MEGF9: variants seen among roughly 807,000 people sequenced by gnomAD.
The protein encoded by MEGF9 is multiple epidermal growth factor-like domains protein 9.
In MEGF9, 6 loss-of-function variants were observed where a neutral mutation model predicts 46.8. The ratio of observed to expected loss-of-function variants is 0.13; its 90% CI spans 0.07 to 0.25. The LOEUF (loss-of-function observed/expected upper bound fraction) is 0.25, where lower values mean the gene tolerates loss of function less well. MEGF9 is among the 10% of genes least tolerant of loss of function. MEGF9 has a pLI of 1.00. For synonymous variants in MEGF9, 302 were observed against 330.7 expected (o/e 0.91, Z 0.94); for missense variants, 683 against 792.4 (o/e 0.86, Z 1.66).
intron 2 of MEGF9, among the ~76,000 whole-genome samples, chr9:120,638,740 A>C (rs1242968570): frequency 6.6e-6 from 1 of 152,206 alleles, no homozygotes; most frequent in Non-Finnish European, 1.5e-5. Flanking sequence ...CATTCTTCTG[A>C]TTAGTAATGA....
At chr9:120,633,644 T>G (rs1018220928) in intron 2 of MEGF9, among the ~76,000 whole-genome samples, 1 of 152,122 alleles carries the variant, frequency 6.6e-6, no homozygotes, top group Non-Finnish European at 1.5e-5. Context: ...TTTTGAGTTT[T>G]GTTTTTTCTG....
chr9:120,626,406 T>A (rs2043525865), intron 2 of MEGF9, among the ~76,000 whole-genome samples: 1 of 152,234 alleles, frequency 6.6e-6, no homozygotes, highest in African/African-American at 2.4e-5. Context: ...AGAACTTACA[T>A]ACTCATGGGT....
chr9:120,648,011 T>C (rs933682876), intron 2 of MEGF9, among the ~76,000 whole-genome samples: 5 of 152,154 alleles, frequency 3.3e-5, no homozygotes, highest in African/African-American at 4.8e-5. Flanking sequence ...AATTCTCTCA[T>C]TTCCAGCACT....
intron 5 of MEGF9, among the ~76,000 whole-genome samples, chr9:120,606,619 G>C (rs1253041564): frequency 6.6e-6 from 1 of 152,196 alleles, no homozygotes; most frequent in East Asian, 1.9e-4. Flanking sequence ...GAATCAAATA[G>C]AAGTGTGTGG....
chr9:120,656,461 G>A (rs1448920647), intron 2 of MEGF9, among the ~76,000 whole-genome samples: 1 of 151,000 alleles, frequency 6.6e-6, no homozygotes. Context: ...GCAGGAGAAT[G>A]GCGTGAACCC....
chr9:120,617,129 G>C (rs1186828143), intron 3 of MEGF9, among the ~76,000 whole-genome samples: 2 of 152,002 alleles, frequency 1.3e-5, no homozygotes, highest in African/African-American at 2.4e-5. Flanking sequence ...ATGGCCAAAG[G>C]GTGGATCAAA....
chr9:120,674,004 A>G (rs2043762062), intron 1 of MEGF9, among the ~76,000 whole-genome samples: 2 of 151,466 alleles, frequency 1.3e-5, no homozygotes, highest in South Asian at 2.1e-4. Flanking sequence ...CTCAACATGG[A>G]TCATAGCCCT....
intron 2 of MEGF9, among the ~76,000 whole-genome samples, chr9:120,645,073 A>G (rs933239165): frequency 1.4e-4 from 22 of 152,180 alleles, no homozygotes; most frequent in African/African-American, 5.1e-4. Flanking sequence ...CTTTAGTTAC[A>G]TAAGTATAGC....
chr9:120,654,113 AAG>A (rs2043665810), intron 2 of MEGF9, among the ~76,000 whole-genome samples: 2 of 152,342 alleles, frequency 1.3e-5, no homozygotes, highest in South Asian at 4.1e-4. Context: ...GTCCAGAAGT[AAG>A]AGTGTGAGAC....
intron 1 of MEGF9, among the ~76,000 whole-genome samples, chr9:120,703,047 CCTTT>C (rs1269278438): frequency 6.6e-6 from 1 of 152,140 alleles, no homozygotes; most frequent in Non-Finnish European, 1.5e-5. Flanking sequence ...TGTTGTTCTT[CCTTT>C]AAGAAAAATA....
In MEGF9 at chr9:120,713,654, T is replaced by A. The variant is rs558740845; in HGVS notation, c.601+104A>T. 1,845 of 1,231,186 alleles carry A rather than the reference T, an allele frequency of 1.5e-3. 2 individuals carry two copies. Among genetic ancestry groups the A allele is most frequent in the Non-Finnish European group, 1.8e-3 (1,753 of 987,548 alleles). 76.3% of individuals were successfully genotyped at this position (1,231,186 alleles called of 1,614,324 possible). ...CCCCCTCGGGAGCCGGAACCTGGGGTGTCTTTGGGGTAACAAACGATAAAT... is the reference window on the plus strand; with the variant it reads ...CCCCCTCGGGAGCCGGAACCTGGGGAGTCTTTGGGGTAACAAACGATAAAT... On this transcript the variant is annotated intron_variant, in intron 1 of 5. Coordinates refer to ENST00000373930, the MANE Select transcript of MEGF9 (RefSeq NM_001080497.3).
At chr9:120,632,848 T>C (rs2043556768) in intron 2 of MEGF9, among the ~76,000 whole-genome samples, 1 of 152,264 alleles carries the variant, frequency 6.6e-6, no homozygotes, top group Admixed American at 6.5e-5. Context: ...ACTGAGATGA[T>C]CATGTGGTTA....
In MEGF9 at chr9:120,713,749, C is replaced by G; in HGVS notation, c.601+9G>C. 1 of 1,286,610 alleles carries G rather than the reference C, an allele frequency of 7.8e-7. No individual in the cohort carries two copies. The highest frequency in any genetic ancestry group is 9.8e-7 in the Non-Finnish European group (1 of 1,017,442). 79.7% of individuals were successfully genotyped at this position (1,286,610 alleles called of 1,614,324 possible). ...ACGGGTCCTGCCCGAGAGGGAGCGC[C>G]GGACTCACCTGGAGGAGGCGAAGAG... is the stretch of plus-strand genomic sequence containing the variant. On this transcript the variant is annotated intron_variant, in intron 1 of 5. Transcript: ENST00000373930.
Position 120,713,759 on chromosome 9 carries a change from T to A in MEGF9, c.600A>T (p.Pro200=). The A allele has an allele frequency of 7.8e-7, 1 of 1,286,588 alleles. No homozygotes were observed. Among genetic ancestry groups the A allele is most frequent in the Non-Finnish European group, 9.8e-7 (1 of 1,018,358 alleles). 79.7% of individuals were successfully genotyped at this position (1,286,588 alleles called of 1,614,324 possible). A position where few individuals can be genotyped will look rare whatever the true frequency, so the allele number is the denominator to read the frequency against. The change falls in exon 1 of 6, where the codon CCA becomes CCT. Residue 200 remains proline (P), a splice_region_variant and synonymous_variant. Transcript: ENST00000373930. ...PATEAPSSPP[P]EYVCNCSVVG... ...CCCGAGAGGGAGCGCCGGACTCACC[T>A]GGAGGAGGCGAAGAGGGGGCCTCGG... is the stretch of plus-strand genomic sequence containing the variant.
intron 1 of MEGF9, among the ~76,000 whole-genome samples, chr9:120,679,950 A>AG (rs984679120): frequency 1.3e-5 from 2 of 151,748 alleles, no homozygotes; most frequent in African/African-American, 4.8e-5. Context: ...AAAAAAAAAA[A>AG]AAAAGAGAGA....
At chr9:120,711,869 A>ACACACACACC (rs1205420778) in intron 1 of MEGF9, among the ~76,000 whole-genome samples, 75 of 149,942 alleles carry the variant, frequency 5.0e-4, no homozygotes, top group African/African-American at 1.8e-3. Context: ...ACACACACAC[A>ACACACACACC]CACCCACAGG....
intron 2 of MEGF9, among the ~76,000 whole-genome samples, chr9:120,659,152 G>A (rs1361903550): frequency 2.6e-5 from 4 of 152,184 alleles, no homozygotes; most frequent in African/African-American, 9.6e-5. Flanking sequence ...AAAAATTGGC[G>A]ACTCTAGTGC....
chr9:120,705,113 C>A (rs771752590), intron 1 of MEGF9, among the ~76,000 whole-genome samples: 15 of 151,876 alleles, frequency 9.9e-5, no homozygotes, highest in Admixed American at 5.9e-4. Context: ...AAAAGAAAAT[C>A]TTTTCTCCAT....
chr9:120,662,043 A>G (rs1225031742), intron 1 of MEGF9, among the ~76,000 whole-genome samples: 1 of 152,200 alleles, frequency 6.6e-6, no homozygotes, highest in African/African-American at 2.4e-5. Flanking sequence ...ATTTTATTTC[A>G]TTATTTCCTT....
Sources: gnomAD v4.1 joint callset for allele counts (sites outside exome capture counted in the v4.1 genomes callset) on GRCh38, gnomAD v4.1.1 for gene constraint, MANE v1.5 for transcripts, NCBI Gene and HGNC (gene_info 2026-07-23, HGNC 2026-07-21) for gene names.